The following FBN2 variants were observed in gnomAD, a reference collection of about 807,000 sequenced individuals.
FBN2 encodes the protein fibrillin 2, also known as fibrillin-2.
In FBN2, 105 loss-of-function variants were observed where a neutral mutation model predicts 355.6. The ratio of observed to expected loss-of-function variants is 0.30; its 90% CI spans 0.25 to 0.35. The LOEUF is 0.35. Ranked by LOEUF, FBN2 falls within the 10% of genes least tolerant of loss-of-function variation. FBN2 has a pLI of 1.00. For synonymous variants in FBN2, 1,350 were observed against 1,301.2 expected (o/e 1.04, Z -0.81); for missense variants, 3,280 against 3,758.7 (o/e 0.87, Z 3.33).
intron 27 of FBN2, among the ~76,000 whole-genome samples, chr5:128,336,344 C>A (rs1750842160): frequency 2.0e-5 from 3 of 152,158 alleles, no homozygotes; most frequent in Admixed American, 1.3e-4. Context: ...TCTATGCGGT[C>A]TAATACACAG....
chr5:128,507,875 A>C (rs896617227), intron 5 of FBN2, among the ~76,000 whole-genome samples: 5 of 152,018 alleles, frequency 3.3e-5, no homozygotes, highest in African/African-American at 1.2e-4. Context: ...GGGGGTACTG[A>C]AATCTCCATT....
intron 6 of FBN2, among the ~76,000 whole-genome samples, chr5:128,452,815 A>T (rs2127066993): frequency 6.6e-6 from 1 of 152,278 alleles, no homozygotes; most frequent in South Asian, 2.1e-4. Flanking sequence ...GCTTCTAGTT[A>T]ACCCATTATC....
intron 50 of FBN2, 134 bp from the exon 51 acceptor site, chr5:128,290,081 T>C: frequency 1.5e-6 from 1 of 682,146 alleles, no homozygotes; most frequent in East Asian, 2.7e-5. Context: ...CAAGACTCTT[T>C]TATTTTTATG....
chr5:128,523,108 T>C (rs1268434871), intron 4 of FBN2, among the ~76,000 whole-genome samples: 1 of 152,180 alleles, frequency 6.6e-6, no homozygotes, highest in Non-Finnish European at 1.5e-5. Flanking sequence ...ATATTTTTAT[T>C]AGACAGACTC....
intron 5 of FBN2, among the ~76,000 whole-genome samples, chr5:128,495,061 T>C (rs951902307): frequency 3.3e-5 from 5 of 152,092 alleles, no homozygotes; most frequent in East Asian, 3.9e-4. Flanking sequence ...TTACTGACAA[T>C]GTCTCGTCAA....
chr5:128,306,712 T>A lies in FBN2; in HGVS notation c.5422+423A>T, dbSNP rs1050113995. Among the ~76,000 whole-genome samples the A allele has an allele frequency of 3.3e-5, 5 of 152,178 alleles. 1 individual carries two copies. The highest frequency in any genetic ancestry group is 1.2e-4 in the African/African-American group (5 of 41,514). On this transcript the variant is annotated intron_variant, in intron 42 of 64. Coordinates refer to ENST00000262464, the MANE Select transcript of FBN2 (RefSeq NM_001999.4). ...TACATTTAGAAGGAATTAATTAATA[T>A]GAAAAATAAGTCTGCACATTCATAT...
intron 11 of FBN2, 73 bp from the exon 12 acceptor site, chr5:128,378,963 C>T: frequency 2.5e-6 from 4 of 1,568,872 alleles, no homozygotes; most frequent in Non-Finnish European, 3.5e-6. Flanking sequence ...TACATTTAGT[C>T]CTCTAAAGTT....
intron 28 of FBN2, 54 bp downstream of exon 28, chr5:128,335,934 T>C: frequency 6.2e-7 from 1 of 1,602,594 alleles, no homozygotes; most frequent in South Asian, 1.1e-5. Flanking sequence ...GCCAAAAGTT[T>C]TCCTAGGCTG....
At chr5:128,312,323 T>A (rs1016153166) in intron 37 of FBN2, among the ~76,000 whole-genome samples, 1 of 152,236 alleles carries the variant, frequency 6.6e-6, no homozygotes, top group Non-Finnish European at 1.5e-5. Flanking sequence ...GAAGCTGAAC[T>A]AAATAACCTT....
chr5:128,277,968 G>A lies in FBN2; in HGVS notation c.7383C>T (p.Thr2461=). Residue 2461 remains threonine (T), a synonymous_variant, in exon 58 of 65, where the codon ACC becomes ACT. Coordinates refer to ENST00000262464, the MANE Select transcript of FBN2 (RefSeq NM_001999.4). ...CCATGGTATTGATGCACTGACCATT[G>A]GTGCAGAGGTTTGGCATTACCTTAC... ...DECKVMPNLC[T]NGQCINTMGS... is the part of the protein sequence containing the mutation. 6.2e-7 allele frequency: 1 copy of A among 1,613,610 alleles called. No homozygotes were observed. Among genetic ancestry groups the A allele is most frequent in the Non-Finnish European group, 8.5e-7 (1 of 1,179,578 alleles).
Position 128,261,807 on chromosome 5 carries a change from A to C in FBN2, c.8293T>G (p.Cys2765Gly). ...TTCTTAGAATAGCCGTTGATTTTGC[A>C]CTCGTAGCATGCTTCTGGGGACAGA... ...NALSPEACYECKINGYSKKDS... is the reference protein window; with the variant it reads ...NALSPEACYEGKINGYSKKDS... Residue 2765 changes from cysteine (C) to glycine (G), a missense_variant, in exon 64 of 65, where the codon TGC becomes GGC. This residue lies in a region of FBN2 where 311 missense variants were observed against 319.1 expected (regional missense o/e 0.97). Transcript: ENST00000262464. 6.2e-7 allele frequency: 1 copy of C among 1,614,124 alleles called. No homozygotes were observed. Among genetic ancestry groups the C allele is most frequent in the Non-Finnish European group, 8.5e-7 (1 of 1,179,984 alleles).
At chr5:128,352,335 A>T (rs1173209919) in intron 20 of FBN2, among the ~76,000 whole-genome samples, 3 of 152,214 alleles carry the variant, frequency 2.0e-5, no homozygotes. Context: ...CCCTCTAGAG[A>T]TAACCATTCC....
rs927091325 is a variant in FBN2 at position 128,273,369 on chromosome 5, G to A, written c.7840+471C>T. 3.3e-5 allele frequency among the ~76,000 whole-genome samples: 5 copies of A among 152,182 alleles called. 1 individual carries two copies. The South Asian group carries it at 6.2e-4, about 19-fold the overall frequency. On this transcript the variant is annotated intron_variant, in intron 61 of 64. Coordinates refer to ENST00000262464, the MANE Select transcript of FBN2 (RefSeq NM_001999.4). ...CTGTAAGAAAGTGAAGGAGTGAAGC[G>A]GGAGCTTGACTCGTAAAAAACAGAA... is the stretch of plus-strand genomic sequence containing the variant.
intron 2 of FBN2, among the ~76,000 whole-genome samples, chr5:128,533,371 C>T (rs572110352): frequency 2.6e-4 from 40 of 152,280 alleles, no homozygotes; most frequent in African/African-American, 9.1e-4. Context: ...CAGGTATATA[C>T]TCTGTATCTG....
intron 7 of FBN2, among the ~76,000 whole-genome samples, chr5:128,440,488 T>C (rs1252516821): frequency 6.6e-6 from 1 of 152,086 alleles, no homozygotes; most frequent in African/African-American, 2.4e-5. Context: ...TACACACTTC[T>C]AAACAACCAG....
At chr5:128,444,216 G>C (rs1754004810) in intron 7 of FBN2, among the ~76,000 whole-genome samples, 2 of 151,696 alleles carry the variant, frequency 1.3e-5, no homozygotes, top group African/African-American at 4.8e-5. Context: ...GGGACTACAG[G>C]CGCCCGCCAC....
chr5:128,275,069 A>G lies in FBN2; in HGVS notation c.7595-386T>C, dbSNP rs184106938. On this transcript the variant is annotated intron_variant, in intron 59 of 64. Coordinates refer to ENST00000262464, the MANE Select transcript of FBN2 (RefSeq NM_001999.4). ...TAAATAAAAATGAAACAGAATCTAGAAACTGATGAAGGTCCGAACAGAAAC... is the reference window on the plus strand; with the variant it reads ...TAAATAAAAATGAAACAGAATCTAGGAACTGATGAAGGTCCGAACAGAAAC... 9.8e-4 allele frequency among the ~76,000 whole-genome samples: 149 copies of G among 152,308 alleles called. 1 individual carries two copies. Among genetic ancestry groups the G allele is most frequent in the East Asian group, 3.9e-4 (2 of 5,184 alleles).
rs182379410 is a variant in FBN2 at position 128,322,792 on chromosome 5, T to C, written c.4472-3791A>G. On this transcript the variant is annotated intron_variant, in intron 34 of 64. Transcript: ENST00000262464. ...TGGTTCCATAATTTAAGGTAGTTTT[T>C]CCTAATTCTGTGAAGAAAGTCAATG... Among the ~76,000 whole-genome samples, 358 of 152,330 alleles carry C rather than the reference T, an allele frequency of 2.4e-3. 2 individuals are homozygous for C. The highest frequency in any genetic ancestry group is 3.7e-3 in the Non-Finnish European group (253 of 68,024).
intron 37 of FBN2, 36 bp downstream of exon 37, chr5:128,312,598 G>A: frequency 6.2e-7 from 1 of 1,611,356 alleles, no homozygotes; most frequent in Non-Finnish European, 8.5e-7. Flanking sequence ...TTAGATACCA[G>A]TTGGTTTTCT....
Sources: gnomAD v4.1 joint callset for allele counts (sites outside exome capture counted in the v4.1 genomes callset) on GRCh38, gnomAD v4.1.1 for gene constraint, gnomAD v4.1.1 regional missense constraint, MANE v1.5 for transcripts, NCBI Gene and HGNC (gene_info 2026-07-23, HGNC 2026-07-21) for gene names.